ASIC2: variants seen among roughly 807,000 people sequenced by gnomAD.
The protein encoded by ASIC2 is acid sensing ion channel subunit 2.
ASIC2 carries 25 observed loss-of-function variants against 57.3 expected under a neutral mutation model. The observed-to-expected ratio is 0.44, with a 90% CI of 0.32 to 0.61. The LOEUF (loss-of-function observed/expected upper bound fraction) is 0.61, where lower values mean the gene tolerates loss of function less well. ASIC2 is among the 20% of genes least tolerant of loss of function. ASIC2 has a pLI of 0.06. For synonymous variants in ASIC2, 319 were observed against 307.5 expected (o/e 1.04, Z -0.39); for missense variants, 641 against 738.1 (o/e 0.87, Z 1.52).
chr17:33,063,001 T>C (rs1461139027), intron 3 of ASIC2, among the ~76,000 whole-genome samples: 1 of 152,220 alleles, frequency 6.6e-6, no homozygotes, highest in East Asian at 1.9e-4. Context: ...CTTTTTTTGT[T>C]TTCGATTTGC....
chr17:34,121,096 C>CTG (rs1911606163), intron 1 of ASIC2, among the ~76,000 whole-genome samples: 1 of 152,030 alleles, frequency 6.6e-6, no homozygotes, highest in Non-Finnish European at 1.5e-5. Flanking sequence ...AGCCATGTGA[C>CTG]AACAGAGGCA....
At chr17:33,363,566 G>T (rs1015646374) in intron 1 of ASIC2, among the ~76,000 whole-genome samples, 1 of 152,224 alleles carries the variant, frequency 6.6e-6, no homozygotes, top group African/African-American at 2.4e-5. Context: ...CAGAAACCTA[G>T]CCCTGCGTTC....
chr17:33,855,286 T>C (rs1913891966), intron 1 of ASIC2, among the ~76,000 whole-genome samples: 1 of 152,094 alleles, frequency 6.6e-6, no homozygotes, highest in African/African-American at 2.4e-5. Context: ...ACTGGGTCTG[T>C]GAGTTGAAGC....
chr17:33,330,031 T>C (rs1230954916), intron 1 of ASIC2, among the ~76,000 whole-genome samples: 2 of 152,248 alleles, frequency 1.3e-5, no homozygotes, highest in East Asian at 3.8e-4. Flanking sequence ...ATCATGGCTC[T>C]GTATCTGGCT....
chr17:33,867,241 C>T (rs1914265923), intron 1 of ASIC2, among the ~76,000 whole-genome samples: 1 of 147,394 alleles, frequency 6.8e-6, no homozygotes, highest in Admixed American at 6.9e-5. Context: ...TTTAGATTTT[C>T]AGGCTGGCTG....
intron 1 of ASIC2, among the ~76,000 whole-genome samples, chr17:33,637,643 G>T (rs1383854926): frequency 1.3e-5 from 2 of 152,124 alleles, no homozygotes; most frequent in East Asian, 3.8e-4. Flanking sequence ...TATACACAAT[G>T]CTATCTGTCA....
intron 1 of ASIC2, among the ~76,000 whole-genome samples, chr17:33,191,825 A>G (rs976655639): frequency 2.6e-5 from 4 of 152,078 alleles, no homozygotes; most frequent in African/African-American, 9.7e-5. Flanking sequence ...ACAGAAACCA[A>G]TCCCCCAGAA....
At chr17:33,824,130 T>C (rs1027084863) in intron 1 of ASIC2, among the ~76,000 whole-genome samples, 4 of 152,292 alleles carry the variant, frequency 2.6e-5, no homozygotes, top group African/African-American at 7.2e-5. Flanking sequence ...GCAATGGGGA[T>C]GGGCTTTTCC....
intron 1 of ASIC2, among the ~76,000 whole-genome samples, chr17:34,111,499 G>A (rs529371407): frequency 6.6e-6 from 1 of 152,106 alleles, no homozygotes; most frequent in South Asian, 2.1e-4. Flanking sequence ...TCTACTTACG[G>A]AGTTTTCCCA....
chr17:33,013,959 G>A lies in ASIC2; in HGVS notation c.*6C>T, dbSNP rs771358189. 2.1e-5 allele frequency: 33 copies of A among 1,576,678 alleles called. No individual in the cohort carries two copies. Among genetic ancestry groups the A allele is most frequent in the Non-Finnish European group, 2.2e-5 (26 of 1,158,632 alleles). On this transcript the variant is annotated 3_prime_UTR_variant, in exon 10 of 10. Transcript: ENST00000225823. ...TTGGAGGGAGTGCTGGGTGACTCGA[G>A]GGGTGTCAGCAGGCAATCTCCTCCA...
At chr17:33,180,320 C>T (rs1905929123) in intron 1 of ASIC2, among the ~76,000 whole-genome samples, 1 of 152,218 alleles carries the variant, frequency 6.6e-6, no homozygotes, top group Admixed American at 6.5e-5. Context: ...TCCCAGGCCT[C>T]ACAATGAGGG....
intron 1 of ASIC2, among the ~76,000 whole-genome samples, chr17:33,966,181 C>T (rs1313989565): frequency 6.6e-6 from 1 of 152,296 alleles, no homozygotes; most frequent in African/African-American, 2.4e-5. Context: ...GTATTGTTAG[C>T]AGGTATACAG....
intron 1 of ASIC2, among the ~76,000 whole-genome samples, chr17:33,658,539 A>G (rs1460131741): frequency 1.3e-5 from 2 of 152,194 alleles, no homozygotes; most frequent in African/African-American, 4.8e-5. Context: ...TACAGGCTGG[A>G]AAGTCCAAGA....
At chr17:33,253,017 A>G (rs141242616) in intron 1 of ASIC2, among the ~76,000 whole-genome samples, 5 of 152,358 alleles carry the variant, frequency 3.3e-5, no homozygotes, top group African/African-American at 1.2e-4. Flanking sequence ...TTAAGCTCCA[A>G]TCGAAATAAC....
chr17:34,029,767 C>T lies in ASIC2; in HGVS notation c.555+126211G>A, dbSNP rs113907507. Among the ~76,000 whole-genome samples, 1,517 of 152,288 alleles carry T rather than the reference C, an allele frequency of 1.0e-2. 25 individuals are homozygous for T. Among genetic ancestry groups the T allele is most frequent in the African/African-American group, 0.034 (1,414 of 41,544 alleles). On this transcript the variant is annotated intron_variant, in intron 1 of 9. Coordinates refer to the ASIC2 transcript ENST00000359872. ...CACCAGAAAATTGAATCTGCTGGCA[C>T]CTTGATTTTGGACTTACAGCCTCTA...
chr17:33,238,242 C>G (rs1037692836), intron 1 of ASIC2, among the ~76,000 whole-genome samples: 6 of 152,234 alleles, frequency 3.9e-5, no homozygotes, highest in Non-Finnish European at 7.3e-5. Context: ...CCTGTGAGAG[C>G]TGCACGACGG....
chr17:33,919,766 T>G (rs1915669446), intron 1 of ASIC2, among the ~76,000 whole-genome samples: 1 of 152,168 alleles, frequency 6.6e-6, no homozygotes, highest in Admixed American at 6.5e-5. Flanking sequence ...GCTCACAAAT[T>G]ATGCATCCAG....
chr17:33,639,880 A>G (rs2142032743), intron 1 of ASIC2, among the ~76,000 whole-genome samples: 1 of 152,274 alleles, frequency 6.6e-6, no homozygotes, highest in South Asian at 2.1e-4. Context: ...TCAATGGATA[A>G]TGATTATTCT....
intron 3 of ASIC2, among the ~76,000 whole-genome samples, chr17:33,030,510 A>G (rs925395172): frequency 6.6e-6 from 1 of 151,738 alleles, no homozygotes; most frequent in Non-Finnish European, 1.5e-5. Flanking sequence ...TATTATTTTT[A>G]TTTCTTTTTC....
Sources: gnomAD v4.1 joint callset for allele counts (sites outside exome capture counted in the v4.1 genomes callset) on GRCh38, gnomAD v4.1.1 for gene constraint, MANE v1.5 for transcripts, NCBI Gene and HGNC (gene_info 2026-07-23, HGNC 2026-07-21) for gene names.